ZNF568: variants seen among roughly 807,000 people sequenced by gnomAD.
The protein encoded by ZNF568 is p53 inhibitor of SCO2 activation.
ZNF568 carries 11 observed loss-of-function variants against 18.1 expected under a neutral mutation model. The observed-to-expected ratio is 0.61, with a 90% confidence interval of 0.38 to 1.00. The LOEUF is 1.00. Ranked by LOEUF, ZNF568 falls within the 50% of genes least tolerant of loss-of-function variation. The pLI is 0.01. For missense variants in ZNF568, 639 were observed against 768.2 expected (o/e 0.83, Z 1.99); for synonymous variants, 213 against 246.6 (o/e 0.86, Z 1.28).
chr19:36,943,570 ATAT>A (rs1170783272), intron 6 of ZNF568, among the ~76,000 whole-genome samples: 1 of 151,748 alleles, frequency 6.6e-6, no homozygotes, highest in African/African-American at 2.4e-5. Flanking sequence ...TATTTTTCAT[ATAT>A]TATTATTATT....
Position 36,950,767 on chromosome 19 carries a change from T to G in ZNF568, c.1614T>G (p.Ala538=), listed in dbSNP as rs780340528. ...KPYHCNQCGK[A]FSQRQNLLEH... is the part of the protein sequence containing the mutation. ...ATCATTGTAATCAATGTGGGAAAGC[T>G]TTCAGTCAGAGACAAAATCTTCTTG... The change falls in exon 7 of 7, where the codon GCT becomes GCG. Residue 538 remains alanine, a synonymous_variant. Transcript: ENST00000333987. 7 of 1,613,416 alleles carry G rather than the reference T, an allele frequency of 4.3e-6. No homozygotes were observed. In the South Asian group the frequency reaches 7.7e-5, roughly 18 times the overall value.
intron 6 of ZNF568, among the ~76,000 whole-genome samples, chr19:36,968,441 C>T (rs1417738341): frequency 1.6e-5 from 2 of 124,642 alleles, no homozygotes; most frequent in Admixed American, 8.2e-5. Context: ...GGCGTGGTGG[C>T]GGGTGTCTGG....
intron 4 of ZNF568, among the ~76,000 whole-genome samples, chr19:36,994,079 G>T (rs1267938584): frequency 1.4e-5 from 2 of 147,362 alleles, no homozygotes; most frequent in Admixed American, 6.7e-5. Context: ...TTTAAGCCCT[G>T]CTTTAGCTGC....
chr19:36,986,188 T>C (rs2074375065), intron 2 of ZNF568, among the ~76,000 whole-genome samples: 1 of 152,196 alleles, frequency 6.6e-6, no homozygotes. Flanking sequence ...TTCTGCCATC[T>C]GCCAAGGTTC....
intron 6 of ZNF568, among the ~76,000 whole-genome samples, chr19:36,958,616 C>CTTTTTTTT (rs35494587): frequency 8.9e-4 from 88 of 99,092 alleles, no homozygotes; most frequent in African/African-American, 1.4e-3. Flanking sequence ...CTTTTTCTTT[C>CTTTTTTTT]TTTTTTTTTT....
intron 6 of ZNF568, among the ~76,000 whole-genome samples, chr19:36,961,449 T>C (rs564080514): frequency 3.3e-5 from 5 of 152,254 alleles, no homozygotes; most frequent in Non-Finnish European, 4.4e-5. Context: ...GTAGGATATT[T>C]GGGGATCTTT....
intron 7 of ZNF568, among the ~76,000 whole-genome samples, chr19:36,975,173 G>A (rs1167355261): frequency 7.6e-6 from 1 of 132,266 alleles, no homozygotes; most frequent in East Asian, 2.2e-4. Flanking sequence ...TTTTGAGACC[G>A]AGTTTCCTCT....
Position 36,933,315 on chromosome 19 carries a change from A to G in ZNF568, c.136-3431A>G, listed in dbSNP as rs1320157358. On this transcript the variant is annotated intron_variant, in intron 4 of 6. Coordinates refer to ENST00000333987, the MANE Select transcript of ZNF568 (RefSeq NM_198539.4). ...TTCCCTGGTGAAGTTTTTTATCACC[A>G]TTTATTATGATGTGGGGGTTTTGTA... is the stretch of plus-strand genomic sequence containing the variant. Among the ~76,000 whole-genome samples the G allele has an allele frequency of 2.0e-5, 3 of 152,096 alleles. No homozygotes were observed. The East Asian group carries it at 5.8e-4, about 29-fold the overall frequency.
intron 6 of ZNF568, among the ~76,000 whole-genome samples, chr19:36,969,640 A>C (rs1170901485): frequency 6.6e-6 from 1 of 151,840 alleles, no homozygotes; most frequent in Non-Finnish European, 1.5e-5. Context: ...TCTTTTGCTT[A>C]TGGCACTTTC....
chr19:36,925,350 A>G (rs536352746), intron 4 of ZNF568, 92 bp downstream of exon 4: 2 of 1,150,656 alleles, frequency 1.7e-6, no homozygotes, highest in Non-Finnish European at 2.5e-6. Context: ...GAAAAAATAA[A>G]TTGATGAAAA....
At position 36,995,435 on chromosome 19, in the gene ZNF568, G is replaced by A. The variant is rs144362087; in HGVS notation, c.230-882G>A. Among the ~76,000 whole-genome samples, 760 of 152,032 alleles carry A rather than the reference G, an allele frequency of 5.0e-3. 6 individuals carry two copies. Among genetic ancestry groups the A allele is most frequent in the Middle Eastern group, 0.017 (5 of 292 alleles). Reference sequence around the variant, plus strand: ...AACAAGCAAAAAACAGTGTGTCTCTGGTAGATTGCATATACTTGGATCACT... The same window carrying A: ...AACAAGCAAAAAACAGTGTGTCTCTAGTAGATTGCATATACTTGGATCACT... On this transcript the variant is annotated intron_variant, in intron 4 of 4. Transcript: ENST00000433993.
At chr19:36,983,596 A>G (rs1047238953), downstream of ZNF568, among the ~76,000 whole-genome samples, 5 of 152,168 alleles carry the variant, frequency 3.3e-5, no homozygotes, top group African/African-American at 1.2e-4. Flanking sequence ...CCATTAGATC[A>G]AGCTTAATTT....
intron 7 of ZNF568, among the ~76,000 whole-genome samples, chr19:36,975,382 C>T (rs1285628488): frequency 1.3e-5 from 2 of 150,052 alleles, no homozygotes; most frequent in African/African-American, 4.9e-5. Context: ...CTCCTGACCT[C>T]GTGATCCGCC....
At chr19:36,982,892 T>A (rs994424897), downstream of ZNF568, among the ~76,000 whole-genome samples, 3 of 152,220 alleles carry the variant, frequency 2.0e-5, no homozygotes, top group African/African-American at 7.2e-5. Flanking sequence ...TTGCTTAGAA[T>A]TTTAAATCTG....
chr19:36,996,690 G>A (rs765284396), exon 5 of ZNF568: 15 of 1,535,848 alleles, frequency 9.8e-6, no homozygotes, highest in Non-Finnish European at 1.2e-5. Context: ...AGCATCAGAC[G>A]CTTCATGAAA....
chr19:36,938,188 A>G (rs971414595), intron 6 of ZNF568, among the ~76,000 whole-genome samples: 10 of 152,190 alleles, frequency 6.6e-5, no homozygotes, highest in Non-Finnish European at 1.3e-4. Flanking sequence ...AGATTTTCAT[A>G]TCTACTTCTG....
chr19:36,947,566 A>G (rs2073988268), intron 6 of ZNF568, among the ~76,000 whole-genome samples: 1 of 152,190 alleles, frequency 6.6e-6, no homozygotes, highest in African/African-American at 2.4e-5. Context: ...GGAGACTGGA[A>G]TACATGTTAC....
chr19:36,976,643 G>C (rs1243815400), intron 7 of ZNF568, among the ~76,000 whole-genome samples: 1 of 152,134 alleles, frequency 6.6e-6, no homozygotes, highest in Non-Finnish European at 1.5e-5. Flanking sequence ...GGGTGCGGTG[G>C]CTCATGCCTG....
chr19:36,989,132 C>G (rs548776838), intron 2 of ZNF568, among the ~76,000 whole-genome samples: 1 of 152,150 alleles, frequency 6.6e-6, no homozygotes, highest in Non-Finnish European at 1.5e-5. Context: ...GGGACTTGTT[C>G]CCCAGTTCTT....
Sources: allele counts gnomAD v4.1 joint callset (sites outside exome capture counted in the v4.1 genomes callset), GRCh38; gene constraint gnomAD v4.1.1; transcripts MANE v1.5; gene names NCBI Gene and HGNC (gene_info 2026-07-23, HGNC 2026-07-21).